Variants in KDM4C observed in about 807,000 individuals in gnomAD.
The protein encoded by KDM4C is lysine-specific demethylase 4C.
KDM4C carries 81 observed loss-of-function variants against 129.3 expected under a neutral mutation model. That is an observed-to-expected ratio of 0.63 (90% confidence interval 0.52 to 0.75). KDM4C has a LOEUF of 0.75. Among genes scored for constraint, KDM4C ranks in the 30% least tolerant of loss-of-function variants. The pLI, the probability that KDM4C is intolerant of heterozygous loss-of-function variation, is 0.00. For missense variants in KDM4C, 1,457 were observed against 1,304.0 expected, an observed-to-expected ratio of 1.12 and a Z score of -1.81; for synonymous variants, 573 against 456.1, an observed-to-expected ratio of 1.26 and a Z score of -3.26.
chr9:7,016,282 C>T (rs573759581), intron 15 of KDM4C, among the ~76,000 whole-genome samples: 54 of 152,148 alleles, frequency 3.5e-4, no homozygotes, highest in African/African-American at 1.3e-3. Flanking sequence ...CACCCGCCAC[C>T]ACGCCTGGCT....
chr9:7,034,425 C>T (rs1312675078), intron 15 of KDM4C, among the ~76,000 whole-genome samples: 1 of 152,200 alleles, frequency 6.6e-6, no homozygotes, highest in East Asian at 1.9e-4. Context: ...CAACTTGTTT[C>T]AGCATCCACA....
chr9:7,088,579 G>C (rs545659300), intron 17 of KDM4C, among the ~76,000 whole-genome samples: 1 of 152,184 alleles, frequency 6.6e-6, no homozygotes, highest in Admixed American at 6.5e-5. Flanking sequence ...AACATATGAG[G>C]GGTGGCTATT....
chr9:6,904,973 A>T (rs1006296065), intron 8 of KDM4C, among the ~76,000 whole-genome samples: 1 of 152,182 alleles, frequency 6.6e-6, no homozygotes, highest in African/African-American at 2.4e-5. Flanking sequence ...AACAAACAAA[A>T]AAATCCTCAG....
chr9:7,092,453 C>A (rs1474076272), intron 17 of KDM4C, among the ~76,000 whole-genome samples: 1 of 152,188 alleles, frequency 6.6e-6, no homozygotes, highest in Non-Finnish European at 1.5e-5. Context: ...TCTCTGTCCT[C>A]ATTTTGCATT....
At chr9:6,851,715 T>A (rs1838877816) in intron 5 of KDM4C, among the ~76,000 whole-genome samples, 1 of 152,202 alleles carries the variant, frequency 6.6e-6, no homozygotes, top group African/African-American at 2.4e-5. Context: ...GCTTTCTAAT[T>A]AAGAAAGATG....
chr9:6,991,546 T>C (rs1362739281), intron 12 of KDM4C, among the ~76,000 whole-genome samples: 1 of 152,182 alleles, frequency 6.6e-6, no homozygotes, highest in Admixed American at 6.5e-5. Flanking sequence ...CTGTTAAGAG[T>C]CCTTCTCTGA....
chr9:7,088,940 T>A (rs1479158136), intron 17 of KDM4C, among the ~76,000 whole-genome samples: 1 of 152,206 alleles, frequency 6.6e-6, no homozygotes, highest in Non-Finnish European at 1.5e-5. Flanking sequence ...AGAAAGCCGA[T>A]ATTTTGTCCA....
intron 3 of KDM4C, among the ~76,000 whole-genome samples, chr9:6,809,953 G>T (rs1049515290): frequency 6.6e-6 from 1 of 151,992 alleles, no homozygotes; most frequent in Non-Finnish European, 1.5e-5. Context: ...TTGCACCGTT[G>T]TACTCCAGCC....
At chr9:6,944,008 TTAAATG>T (rs1421017663) in intron 8 of KDM4C, among the ~76,000 whole-genome samples, 5 of 152,232 alleles carry the variant, frequency 3.3e-5, no homozygotes, top group Non-Finnish European at 7.3e-5. Flanking sequence ...TCGGGCCTAT[TTAAATG>T]TAAAAATGTC....
Position 6,758,755 on chromosome 9 carries a change from C to T in KDM4C, c.-18+552C>T, listed in dbSNP as rs1490325840. On this transcript the variant is annotated intron_variant, in intron 1 of 21. Coordinates refer to ENST00000381309, the MANE Select transcript of KDM4C (RefSeq NM_015061.6). The surrounding 1 kb of genome is among the most constrained non-coding windows in gnomAD (Gnocchi z 4.6). The stretch of plus-strand genomic sequence containing the variant: ...TCTTTCCCCCGGCATGGGGCCATTT[C>T]TTCCTGCAGTGCCTGGAGGAACCAT... Among the ~76,000 whole-genome samples, 2 of 152,258 alleles carry T rather than the reference C, an allele frequency of 1.3e-5. No homozygotes were observed. The highest frequency in any genetic ancestry group is 1.3e-4 in the Admixed American group (2 of 15,290).
intron 11 of KDM4C, among the ~76,000 whole-genome samples, chr9:6,988,158 TAAAAAAAAAA>T (rs60244122): frequency 1.1e-4 from 9 of 85,336 alleles, no homozygotes; most frequent in African/African-American, 2.3e-4. Flanking sequence ...CCCTGTCTCT[TAAAAAAAAAA>T]AAAAAAAAAA....
intron 18 of KDM4C, among the ~76,000 whole-genome samples, chr9:7,120,620 G>C (rs956553277): frequency 1.3e-5 from 2 of 152,138 alleles, no homozygotes; most frequent in Non-Finnish European, 2.9e-5. Context: ...CATGTCTTTG[G>C]AATCAGTGGT....
At chr9:6,873,189 G>T (rs1588860213) in intron 5 of KDM4C, among the ~76,000 whole-genome samples, 2 of 152,122 alleles carry the variant, frequency 1.3e-5, no homozygotes, top group Admixed American at 1.3e-4. Context: ...TAGAGACGGG[G>T]TTTCACCATG....
intron 1 of KDM4C, among the ~76,000 whole-genome samples, chr9:6,746,338 G>A (rs1350158468): frequency 7.3e-6 from 1 of 136,912 alleles, no homozygotes; most frequent in Non-Finnish European, 1.5e-5. Context: ...GAGCAATCTC[G>A]GCTCACTGCA....
At chr9:7,015,820 C>G (rs960582766) in intron 14 of KDM4C, 33 bp from the exon 15 acceptor site, 18 of 1,432,352 alleles carry the variant, frequency 1.3e-5, no homozygotes, top group Non-Finnish European at 1.7e-5. Flanking sequence ...GTGAAAAAGA[C>G]CTAACGCATG....
intron 19 of KDM4C, among the ~76,000 whole-genome samples, chr9:7,147,822 G>C (rs1587868302): frequency 6.6e-6 from 1 of 152,256 alleles, no homozygotes; most frequent in Admixed American, 6.5e-5. Flanking sequence ...ATTGGAGATA[G>C]TAATGTCACA....
intron 5 of KDM4C, among the ~76,000 whole-genome samples, chr9:6,871,831 T>C (rs976759538): frequency 3.9e-5 from 6 of 152,216 alleles, no homozygotes; most frequent in African/African-American, 1.4e-4. Flanking sequence ...AGGCTTTTTC[T>C]ACCTCATAGA....
rs535261191 is a variant in KDM4C at position 6,731,521 on chromosome 9, G to A, written c.49+10524G>A. 9.9e-5 allele frequency among the ~76,000 whole-genome samples: 15 copies of A among 151,884 alleles called. No homozygotes were observed. The South Asian group carries it at 3.1e-3, about 32-fold the overall frequency. ...AATTTTTTTTTGTATTTTTAGTAGA[G>A]ACGGGGTTTCTCCATGTTGAGGCTG... On this transcript the variant is annotated intron_variant, in intron 1 of 17. Coordinates refer to the KDM4C transcript ENST00000536108.
chr9:6,841,843 C>G (rs915739419), intron 4 of KDM4C, among the ~76,000 whole-genome samples: 1 of 152,222 alleles, frequency 6.6e-6, no homozygotes, highest in African/African-American at 2.4e-5. Context: ...CCTTCCCTGC[C>G]ATTCTGCTGC....
Sources: gnomAD v4.1 joint callset for allele counts (sites outside exome capture counted in the v4.1 genomes callset) on GRCh38, gnomAD v4.1.1 for gene constraint, Gnocchi (gnomAD v3.1) non-coding constraint, MANE v1.5 for transcripts, NCBI Gene and HGNC (gene_info 2026-07-23, HGNC 2026-07-21) for gene names.